CD99: variants seen among roughly 807,000 people sequenced by gnomAD.
CD99 encodes the protein CD99 molecule (Xg blood group), also known as CD99 antigen.
Under a neutral mutation model 28.4 loss-of-function variants are expected in CD99, and 19 were observed. The ratio of observed to expected loss-of-function variants is 0.67; its 90% confidence interval spans 0.47 to 0.98. The LOEUF (loss-of-function observed/expected upper bound fraction) is 0.98, where lower values mean the gene tolerates loss of function less well. Ranked by LOEUF, CD99 falls within the 50% of genes least tolerant of loss-of-function variation. The probability of loss-of-function intolerance (pLI) is 0.00; values close to 1 mark genes in which losing one functional copy is unlikely to be tolerated. For missense variants in CD99, 283 were observed against 248.8 expected (o/e 1.14, Z -0.92); for synonymous variants, 103 against 92.1 (o/e 1.12, Z -0.67).
intron 1 of CD99, among the ~76,000 whole-genome samples, chrX:2,693,679 G>A (rs1378129487): frequency 6.6e-6 from 1 of 152,128 alleles, no homozygotes; most frequent in African/African-American, 2.4e-5. Flanking sequence ...AGAGTGTTGG[G>A]GACCCTGTGT....
intron 1 of CD99, among the ~76,000 whole-genome samples, chrX:2,702,319 C>G (rs2047898238): frequency 6.6e-6 from 1 of 152,050 alleles, no homozygotes; most frequent in Non-Finnish European, 1.5e-5. Context: ...CTGTGACCCC[C>G]TACCCCTACC....
intron 2 of CD99, chrX:2,715,336 G>C (rs2048642548): frequency 6.6e-6 from 1 of 152,222 alleles, no homozygotes; most frequent in African/African-American, 2.4e-5. Flanking sequence ...ACAGAAGTCT[G>C]AGATCAAGGT....
At chrX:2,717,896 A>T in intron 3 of CD99, 3 of 484,660 alleles carry the variant, frequency 6.2e-6, no homozygotes, top group Non-Finnish European at 3.7e-6. Context: ...GTGTGCTTTT[A>T]TTCTAAGGGT....
At chrX:2,704,382 ACAAGGAAG>A (rs2048023849) in intron 1 of CD99, among the ~76,000 whole-genome samples, 1 of 151,630 alleles carries the variant, frequency 6.6e-6, no homozygotes. Context: ...GCCACCGCAG[ACAAGGAAG>A]TATATGCAGT....
At chrX:2,698,958 G>A (rs2047707824) in intron 1 of CD99, among the ~76,000 whole-genome samples, 1 of 146,316 alleles carries the variant, frequency 6.8e-6, no homozygotes, top group African/African-American at 2.5e-5. Context: ...ACAAGATTTT[G>A]CTCTGTCACC....
chrX:2,739,305 ATG>A (rs942979605), intron 9 of CD99, among the ~76,000 whole-genome samples: 20 of 152,100 alleles, frequency 1.3e-4, no homozygotes, highest in Non-Finnish European at 2.9e-4. Flanking sequence ...CAAGAAAAAA[ATG>A]TGTGTGTGTA....
At chrX:2,708,120 T>TCCC (rs1156343046) in intron 1 of CD99, among the ~76,000 whole-genome samples, 7 of 143,896 alleles carry the variant, frequency 4.9e-5, no homozygotes, top group African/African-American at 1.6e-4. Flanking sequence ...GGGGACTGCC[T>TCCC]TCCTCACACA....
chrX:2,693,769 G>A (rs1569422788), intron 1 of CD99, among the ~76,000 whole-genome samples: 1 of 152,112 alleles, frequency 6.6e-6, no homozygotes. Context: ...GTGTATAGAG[G>A]AAAAGAGGAG....
chrX:2,717,547 G>A, intron 2 of CD99, 58 bp from the exon 3 acceptor site: 13 of 1,317,754 alleles, frequency 9.9e-6, no homozygotes, highest in Non-Finnish European at 1.4e-5. Context: ...CCACAAAAGA[G>A]TTGACACTTG....
chrX:2,729,462 C>T (rs144245647), intron 8 of CD99, among the ~76,000 whole-genome samples: 2,612 of 152,128 alleles, frequency 0.017, 79 homozygotes, highest in African/African-American at 0.059. Flanking sequence ...CAGAAGGGGA[C>T]GCAAGGCACC....
intron 8 of CD99, chrX:2,733,431 T>C: frequency 1.3e-6 from 2 of 1,540,620 alleles, no homozygotes; most frequent in Middle Eastern, 1.7e-4. Context: ...TCGTTTTATC[T>C]GCTAAGACAT....
chrX:2,701,466 C>T (rs1013038165), intron 1 of CD99, among the ~76,000 whole-genome samples: 2 of 152,250 alleles, frequency 1.3e-5, no homozygotes, highest in African/African-American at 4.8e-5. Context: ...TGTCTGGAGG[C>T]ACAGAGCAGG....
At chrX:2,731,990 G>A (rs1207060599) in intron 8 of CD99, among the ~76,000 whole-genome samples, 3 of 151,598 alleles carry the variant, frequency 2.0e-5, no homozygotes, top group Non-Finnish European at 4.4e-5. Context: ...AAAATTAGCT[G>A]AGTGTGGTGG....
chrX:2,701,309 A>T lies in CD99; in HGVS notation c.67+9882A>T, dbSNP rs2047852145. ...CACCCTCCCAGTCCATGGCTCTTTC[A>T]TGTATTCCTTCAGCCAGCATAGGTT... is the stretch of plus-strand genomic sequence containing the variant. On this transcript the variant is annotated intron_variant, in intron 1 of 9. Coordinates refer to ENST00000381192, the MANE Select transcript of CD99 (RefSeq NM_002414.5). Among the ~76,000 whole-genome samples the T allele has an allele frequency of 5.3e-5, 8 of 151,856 alleles. No individual in the cohort carries two copies. The South Asian group carries it at 1.5e-3, about 28-fold the overall frequency.
chrX:2,702,750 G>A (rs1569427852), intron 1 of CD99, among the ~76,000 whole-genome samples: 1 of 151,460 alleles, frequency 6.6e-6, no homozygotes, highest in Non-Finnish European at 1.5e-5. Flanking sequence ...CGGCTATTTT[G>A]TTCATGCACA....
At position 2,699,437 on chromosome X, in the gene CD99, G is replaced by C. The variant is rs191154035; in HGVS notation, c.67+8010G>C. ...CCCACCTCGGCTTCCCAAAGTGCTG[G>C]GATTACAGGTGTGAGCCACCGCGCC... On this transcript the variant is annotated intron_variant, in intron 1 of 9. Coordinates refer to ENST00000381192, the MANE Select transcript of CD99 (RefSeq NM_002414.5). Among the ~76,000 whole-genome samples the C allele has an allele frequency of 5.7e-3, 853 of 149,352 alleles. 13 individuals are homozygous for C. The highest frequency in any genetic ancestry group is 0.02 in the African/African-American group (812 of 40,552).
chrX:2,723,494 T>C lies in CD99; in HGVS notation c.361+130T>C. On this transcript the variant is annotated intron_variant, in intron 7 of 9. Transcript: ENST00000381192. ...AGCTACTGGCAGGAGGCACGGGTGT[T>C]CTGTGCCAAGTGCTCCCAAGTGATG... 3 of 1,063,140 alleles carry C rather than the reference T, an allele frequency of 2.8e-6. No homozygotes were observed. The East Asian group carries it at 7.1e-5, about 25-fold the overall frequency. The allele number at this position is 1,063,140 out of a possible 1,614,324, so 65.9% of individuals were successfully genotyped here. A position where few individuals can be genotyped will look rare whatever the true frequency, so the allele number is the denominator to read the frequency against.
intron 1 of CD99, among the ~76,000 whole-genome samples, chrX:2,702,039 C>T (rs1190786431): frequency 6.6e-6 from 1 of 151,916 alleles, no homozygotes; most frequent in Non-Finnish European, 1.5e-5. Flanking sequence ...AGGAAAACCC[C>T]ACAGATGTGT....
At chrX:2,701,756 C>T (rs924638074) in intron 1 of CD99, among the ~76,000 whole-genome samples, 5 of 152,138 alleles carry the variant, frequency 3.3e-5, no homozygotes, top group East Asian at 1.9e-4. Context: ...TGTGCGGGGA[C>T]GCTTAACCTG....
Sources: allele counts gnomAD v4.1 joint callset (sites outside exome capture counted in the v4.1 genomes callset), GRCh38; gene constraint gnomAD v4.1.1; transcripts MANE v1.5; gene names NCBI Gene and HGNC (gene_info 2026-07-23, HGNC 2026-07-21).